ASCC3: variants seen among roughly 807,000 people sequenced by gnomAD.
The protein encoded by ASCC3 is activating signal cointegrator 1 complex subunit 3, also known as ASC-1 complex subunit P200.
A neutral mutation model predicts 256.3 loss-of-function variants in ASCC3; 158 were observed. That is an observed-to-expected ratio of 0.62 (90% CI 0.54 to 0.70). ASCC3 has a LOEUF of 0.70. Among genes scored for constraint, ASCC3 ranks in the 30% least tolerant of loss-of-function variants. The probability of loss-of-function intolerance (pLI) is 0.00; values close to 1 mark genes in which losing one functional copy is unlikely to be tolerated. For synonymous variants in ASCC3, 948 were observed against 883.4 expected, an observed-to-expected ratio of 1.07 and a Z score of -1.30; for missense variants, 2,259 against 2,626.0, an observed-to-expected ratio of 0.86 and a Z score of 3.05.
chr6:100,629,807 T>C (rs889901221), intron 26 of ASCC3, among the ~76,000 whole-genome samples: 4 of 152,178 alleles, frequency 2.6e-5, no homozygotes, highest in African/African-American at 7.2e-5. Flanking sequence ...AAAACCTATG[T>C]AGATCTAGAG....
In ASCC3 at chr6:100,662,365, C is replaced by T. The variant is rs142884762; in HGVS notation, c.2458G>A (p.Ala820Thr). Reference protein sequence around the residue: ...ATLAWGVNLPAHAVIIKGTQI... With the variant: ...ATLAWGVNLPTHAVIIKGTQI... ...CTTACCTTAATAATAACAGCATGGG[C>T]GGGAAGATTGACACCCCAGGCTAAC... Residue 820 changes from alanine to threonine, a missense_variant, in exon 15 of 42, where the codon GCC becomes ACC. Physicochemically the swap from Ala to Thr is moderately conservative, Grantham distance 58. This residue lies in a region of ASCC3 where 1,839 missense variants were observed against 2,206.7 expected (regional missense o/e 0.83). Transcript: ENST00000369162. The T allele has an allele frequency of 2.2e-5, 36 of 1,612,702 alleles. No individual in the cohort carries two copies. Among genetic ancestry groups the T allele is most frequent in the African/African-American group, 5.3e-5 (4 of 74,814 alleles).
intron 10 of ASCC3, among the ~76,000 whole-genome samples, chr6:100,754,973 C>T (rs1781108019): frequency 6.6e-6 from 1 of 152,112 alleles, no homozygotes; most frequent in Admixed American, 6.6e-5. Flanking sequence ...GAGGCCTCCA[C>T]AGCCATGTGA....
At chr6:100,611,877 AC>A (rs1420148306) in intron 30 of ASCC3, among the ~76,000 whole-genome samples, 4 of 149,540 alleles carry the variant, frequency 2.7e-5, no homozygotes, top group East Asian at 4.0e-4. Flanking sequence ...AAAAAAAAAA[AC>A]CATGATAAAT....
intron 29 of ASCC3, among the ~76,000 whole-genome samples, 156 bp downstream of exon 29, chr6:100,627,434 A>G (rs796904323): frequency 1.4e-4 from 22 of 152,308 alleles, no homozygotes; most frequent in African/African-American, 5.3e-4. Flanking sequence ...AATTTAACAT[A>G]TATTTGTATT....
intron 8 of ASCC3, among the ~76,000 whole-genome samples, chr6:100,781,797 T>C (rs1273431820): frequency 6.6e-6 from 1 of 152,028 alleles, no homozygotes; most frequent in Non-Finnish European, 1.5e-5. Flanking sequence ...ACCAGACATT[T>C]AGCATATCAT....
rs1335038990 is a variant in ASCC3 at position 100,542,470 on chromosome 6, C to G, written c.5551-2083G>C. Among the ~76,000 whole-genome samples the G allele has an allele frequency of 3.9e-5, 6 of 152,190 alleles. No homozygotes were observed. In the East Asian group the frequency reaches 1.2e-3, roughly 29 times the overall value. ...GGCTGAGGCCAGCGGATCACGAGGT[C>G]AAGAGATTGAGACCATCCTGGCCAA... is the stretch of plus-strand genomic sequence containing the variant. On this transcript the variant is annotated intron_variant, in intron 36 of 41. Coordinates refer to ENST00000369162, the MANE Select transcript of ASCC3 (RefSeq NM_006828.4).
intron 1 of ASCC3, among the ~76,000 whole-genome samples, chr6:100,880,276 C>CT (rs763367773): frequency 4.3e-4 from 65 of 151,966 alleles, no homozygotes; most frequent in South Asian, 3.5e-3. Flanking sequence ...CATTTGAGAA[C>CT]TTTGAGAATC....
At chr6:100,565,461 A>AAAATAAAT (rs541474576) in intron 36 of ASCC3, among the ~76,000 whole-genome samples, 3 of 152,086 alleles carry the variant, frequency 2.0e-5, no homozygotes, top group Non-Finnish European at 4.4e-5. Flanking sequence ...TGGCTTTTTA[A>AAAATAAAT]AAATAAATAA....
intron 13 of ASCC3, among the ~76,000 whole-genome samples, chr6:100,680,898 C>T (rs1777268139): frequency 6.6e-6 from 1 of 152,106 alleles, no homozygotes. Flanking sequence ...AGAATTGTAT[C>T]TAGTCAGGGA....
intron 4 of ASCC3, among the ~76,000 whole-genome samples, chr6:100,838,990 T>C (rs1443909410): frequency 6.6e-6 from 1 of 152,126 alleles, no homozygotes; most frequent in Non-Finnish European, 1.5e-5. Flanking sequence ...TTATCCAAAA[T>C]GTTTTTATTT....
At chr6:100,744,180 T>C (rs1339001654) in intron 10 of ASCC3, among the ~76,000 whole-genome samples, 1 of 152,204 alleles carries the variant, frequency 6.6e-6, no homozygotes, top group Non-Finnish European at 1.5e-5. Flanking sequence ...ACACCGTGTA[T>C]CATTTTACTT....
intron 13 of ASCC3, among the ~76,000 whole-genome samples, chr6:100,698,175 T>G (rs1478439207): frequency 1.3e-5 from 2 of 152,152 alleles, no homozygotes; most frequent in African/African-American, 4.8e-5. Flanking sequence ...TAGCCTTTTC[T>G]TTTTATATCT....
At chr6:100,712,914 C>T (rs932105414) in intron 13 of ASCC3, among the ~76,000 whole-genome samples, 4 of 151,854 alleles carry the variant, frequency 2.6e-5, no homozygotes, top group African/African-American at 7.3e-5. Flanking sequence ...CCCACCACCA[C>T]GCCCGGCTAA....
intron 34 of ASCC3, among the ~76,000 whole-genome samples, chr6:100,595,003 T>G (rs1772211333): frequency 6.6e-6 from 1 of 151,796 alleles, no homozygotes; most frequent in South Asian, 2.1e-4. Context: ...AAAGTTAAAC[T>G]CATAGAAGTA....
In ASCC3 at chr6:100,667,380, G is replaced by A. The variant is rs192707368; in HGVS notation, c.2287-4844C>T. ...TCAGAGGGTGTGGGGCAAAAATTAAGAAAATTAAGCTAGAAAAAAGGATTG... is the reference window on the plus strand; with the variant it reads ...TCAGAGGGTGTGGGGCAAAAATTAAAAAAATTAAGCTAGAAAAAAGGATTG... On this transcript the variant is annotated intron_variant, in intron 14 of 41. Transcript: ENST00000369162. Among the ~76,000 whole-genome samples, 560 of 152,192 alleles carry A rather than the reference G, an allele frequency of 3.7e-3. 5 individuals are homozygous for A. The highest frequency in any genetic ancestry group is 0.031 in the South Asian group (148 of 4,812).
At chr6:100,875,482 C>T (rs1356527939) in intron 1 of ASCC3, among the ~76,000 whole-genome samples, 1 of 152,144 alleles carries the variant, frequency 6.6e-6, no homozygotes, top group African/African-American at 2.4e-5. Context: ...CATGGATGAA[C>T]ATAATATTGT....
chr6:100,567,805 C>G (rs1770349177), intron 36 of ASCC3, among the ~76,000 whole-genome samples: 1 of 152,080 alleles, frequency 6.6e-6, no homozygotes. Context: ...TGTTCATGGG[C>G]ACTTAGGTTG....
intron 10 of ASCC3, among the ~76,000 whole-genome samples, chr6:100,745,717 C>G (rs941838536): frequency 2.6e-5 from 4 of 152,048 alleles, no homozygotes; most frequent in Non-Finnish European, 5.9e-5. Flanking sequence ...ACGCTAATTG[C>G]AAATGAGGAA....
At chr6:100,632,200 A>G (rs974634084) in intron 25 of ASCC3, among the ~76,000 whole-genome samples, 12 of 150,722 alleles carry the variant, frequency 8.0e-5, no homozygotes, top group East Asian at 5.8e-4. Context: ...AAAAAAAAAA[A>G]AAGAAGACAG....
Sources: allele counts gnomAD v4.1 joint callset (sites outside exome capture counted in the v4.1 genomes callset), GRCh38; gene constraint gnomAD v4.1.1; regional missense constraint gnomAD v4.1.1; transcripts MANE v1.5; gene names NCBI Gene and HGNC (gene_info 2026-07-23, HGNC 2026-07-21).